CNTNAP2: variants seen among roughly 807,000 people sequenced by gnomAD.
CNTNAP2 encodes the protein contactin-associated protein-like 2.
In CNTNAP2, 98 loss-of-function variants were observed where a neutral mutation model predicts 155.2. That is an observed-to-expected ratio of 0.63 (90% CI 0.54 to 0.75). The LOEUF is 0.75. Ranked by LOEUF, CNTNAP2 falls within the 30% of genes least tolerant of loss-of-function variation. CNTNAP2 has a pLI of 0.00. For missense variants in CNTNAP2, 1,727 were observed against 1,688.1 expected (o/e 1.02, Z -0.40); for synonymous variants, 651 against 631.2 (o/e 1.03, Z -0.47).
At chr7:147,624,567 C>T (rs1413243623) in intron 12 of CNTNAP2, among the ~76,000 whole-genome samples, 1 of 152,138 alleles carries the variant, frequency 6.6e-6, no homozygotes, top group Non-Finnish European at 1.5e-5. Flanking sequence ...AATATCATCT[C>T]ACCACAGTTA....
intron 1 of CNTNAP2, among the ~76,000 whole-genome samples, chr7:146,470,876 AT>A (rs923016239): frequency 9.9e-5 from 15 of 151,232 alleles, no homozygotes; most frequent in African/African-American, 2.7e-4. Flanking sequence ...CCCATATTTT[AT>A]TTTTTTTTAT....
intron 13 of CNTNAP2, among the ~76,000 whole-genome samples, chr7:147,666,175 T>C (rs1563044817): frequency 6.6e-6 from 1 of 152,180 alleles, no homozygotes; most frequent in Non-Finnish European, 1.5e-5. Context: ...TCACCCGAAA[T>C]ATACTACCTA....
chr7:146,182,828 G>C (rs1231154513), intron 1 of CNTNAP2, among the ~76,000 whole-genome samples: 2 of 151,942 alleles, frequency 1.3e-5, no homozygotes, highest in Non-Finnish European at 2.9e-5. Flanking sequence ...TCTCACTCTT[G>C]TACCTCTCTT....
At chr7:147,309,157 C>G (rs1043315432) in intron 9 of CNTNAP2, among the ~76,000 whole-genome samples, 3 of 152,272 alleles carry the variant, frequency 2.0e-5, no homozygotes, top group East Asian at 1.9e-4. Context: ...TATTTATCGC[C>G]TCTTAAAATC....
chr7:146,935,348 G>C (rs1183247649), intron 3 of CNTNAP2, among the ~76,000 whole-genome samples: 1 of 152,200 alleles, frequency 6.6e-6, no homozygotes, highest in East Asian at 1.9e-4. Context: ...CTTATATGTA[G>C]ATAACCTTAT....
intron 13 of CNTNAP2, among the ~76,000 whole-genome samples, chr7:147,697,676 A>G (rs958620920): frequency 6.6e-6 from 1 of 152,184 alleles, no homozygotes; most frequent in South Asian, 2.1e-4. Context: ...TACGTGGCAC[A>G]GGGTGACTGG....
At chr7:147,867,732 G>T (rs1799258695) in intron 13 of CNTNAP2, among the ~76,000 whole-genome samples, 1 of 151,824 alleles carries the variant, frequency 6.6e-6, no homozygotes, top group African/African-American at 2.4e-5. Context: ...TCTTCTACTT[G>T]ATCGAATCAG....
chr7:146,692,016 T>C (rs931342714), intron 1 of CNTNAP2, among the ~76,000 whole-genome samples: 29 of 152,102 alleles, frequency 1.9e-4, no homozygotes, highest in Non-Finnish European at 8.8e-5. Context: ...CTTCTAGAAC[T>C]GCTAGCTTTA....
intron 11 of CNTNAP2, among the ~76,000 whole-genome samples, chr7:147,553,412 C>T (rs1267061733): frequency 6.6e-6 from 1 of 152,134 alleles, no homozygotes; most frequent in East Asian, 1.9e-4. Flanking sequence ...CCTATTCATC[C>T]TATAAGACTT....
At chr7:148,033,384 T>A (rs1802517427) in intron 15 of CNTNAP2, among the ~76,000 whole-genome samples, 1 of 151,336 alleles carries the variant, frequency 6.6e-6, no homozygotes, top group Non-Finnish European at 1.5e-5. Flanking sequence ...ATGGGATACA[T>A]GTTCAGAACG....
intron 13 of CNTNAP2, among the ~76,000 whole-genome samples, chr7:147,869,508 A>T (rs1585001599): frequency 6.6e-6 from 1 of 152,238 alleles, no homozygotes; most frequent in Non-Finnish European, 1.5e-5. Flanking sequence ...AAAGAAATGA[A>T]TCAACCCTGG....
At chr7:146,634,326 ATAT>A (rs1799562727) in intron 1 of CNTNAP2, among the ~76,000 whole-genome samples, 1 of 152,230 alleles carries the variant, frequency 6.6e-6, no homozygotes, top group Non-Finnish European at 1.5e-5. Context: ...CAGAAGTAAC[ATAT>A]TGTTGGAAAG....
chr7:146,340,166 C>A (rs1347600353), intron 1 of CNTNAP2, among the ~76,000 whole-genome samples: 3 of 95,468 alleles, frequency 3.1e-5, no homozygotes, highest in African/African-American at 1.9e-4. Context: ...GAGACTCCGC[C>A]TCAAAAAAAA....
intron 22 of CNTNAP2, among the ~76,000 whole-genome samples, chr7:148,399,306 G>C (rs756687084): frequency 1.3e-5 from 2 of 151,720 alleles, no homozygotes; most frequent in Non-Finnish European, 2.9e-5. Context: ...CCACGGTACA[G>C]TATTTTTAAA....
intron 3 of CNTNAP2, among the ~76,000 whole-genome samples, chr7:147,003,227 C>G (rs527439958): frequency 6.6e-6 from 1 of 151,840 alleles, no homozygotes; most frequent in South Asian, 2.1e-4. Flanking sequence ...GAATCAATTC[C>G]GATAGAACTG....
intron 1 of CNTNAP2, among the ~76,000 whole-genome samples, chr7:146,579,118 AT>A (rs2129147393): frequency 6.6e-6 from 1 of 152,256 alleles, no homozygotes; most frequent in East Asian, 1.9e-4. Context: ...AGATGATTTC[AT>A]TACATATTTG....
At chr7:147,329,240 G>C (rs1350677357) in intron 9 of CNTNAP2, among the ~76,000 whole-genome samples, 4 of 151,904 alleles carry the variant, frequency 2.6e-5, no homozygotes. Context: ...AGTTCATTGA[G>C]GTGAAGGTGG....
At chr7:148,138,070 G>A (rs1163178227) in intron 16 of CNTNAP2, among the ~76,000 whole-genome samples, 5 of 152,092 alleles carry the variant, frequency 3.3e-5, no homozygotes, top group Admixed American at 2.6e-4. Flanking sequence ...ACAACCTATC[G>A]GCAGAGTCAC....
At chr7:148,288,350 C>T (rs901719807) in intron 21 of CNTNAP2, among the ~76,000 whole-genome samples, 6 of 150,562 alleles carry the variant, frequency 4.0e-5, no homozygotes, top group Non-Finnish European at 5.9e-5. Context: ...CTGCCCGCCT[C>T]ATCCTCCCAA....
Sources: allele counts gnomAD v4.1 joint callset (sites outside exome capture counted in the v4.1 genomes callset), GRCh38; gene constraint gnomAD v4.1.1; transcripts MANE v1.5; gene names NCBI Gene and HGNC (gene_info 2026-07-23, HGNC 2026-07-21).